KLHL1: variants seen among roughly 807,000 people sequenced by gnomAD.
KLHL1 encodes kelch-like protein 1.
Under a neutral mutation model 77.7 loss-of-function variants are expected in KLHL1, and 47 were observed. That is an observed-to-expected ratio of 0.60 (90% CI 0.48 to 0.77). The LOEUF (loss-of-function observed/expected upper bound fraction) is 0.77, where lower values mean the gene tolerates loss of function less well. Ranked by LOEUF, KLHL1 falls within the 30% of genes least tolerant of loss-of-function variation. The pLI is 0.00. For synonymous variants in KLHL1, 360 were observed against 325.2 expected, an observed-to-expected ratio of 1.11 and a Z score of -1.15; for missense variants, 925 against 910.8, an observed-to-expected ratio of 1.02 and a Z score of -0.20.
chr13:69,963,646 T>A (rs1201881328), intron 2 of KLHL1, among the ~76,000 whole-genome samples: 1 of 152,146 alleles, frequency 6.6e-6, no homozygotes. Context: ...AGAGATCACA[T>A]TAACCAATAA....
chr13:69,751,536 G>A (rs1000260722), intron 7 of KLHL1, among the ~76,000 whole-genome samples: 2 of 152,042 alleles, frequency 1.3e-5, no homozygotes, highest in Non-Finnish European at 2.9e-5. Context: ...CTCGTGTTGT[G>A]ATAAGAAGAA....
chr13:69,795,857 T>C (rs1877080964), intron 7 of KLHL1, among the ~76,000 whole-genome samples: 1 of 152,216 alleles, frequency 6.6e-6, no homozygotes, highest in African/African-American at 2.4e-5. Context: ...AATGTGTTGC[T>C]CTTTCTCTAA....
chr13:69,734,261 C>G (rs1440957091), intron 8 of KLHL1, among the ~76,000 whole-genome samples: 2 of 152,146 alleles, frequency 1.3e-5, no homozygotes, highest in Non-Finnish European at 2.9e-5. Context: ...CTGCTCCCCC[C>G]TGGCCTTCTG....
At chr13:69,896,703 C>G (rs1171027847) in intron 4 of KLHL1, among the ~76,000 whole-genome samples, 1 of 150,156 alleles carries the variant, frequency 6.7e-6, no homozygotes, top group African/African-American at 2.5e-5. Context: ...GAGTCTCACT[C>G]TGTTGCCCAG....
intron 1 of KLHL1, among the ~76,000 whole-genome samples, chr13:70,077,042 AG>A (rs1159601130): frequency 2.3e-4 from 35 of 151,944 alleles, no homozygotes; most frequent in Non-Finnish European, 4.4e-4. Context: ...AAAATGGTAA[AG>A]CCACCTTGGA....
At chr13:69,907,601 G>T (rs1203743353) in intron 4 of KLHL1, among the ~76,000 whole-genome samples, 1 of 151,898 alleles carries the variant, frequency 6.6e-6, no homozygotes, top group Non-Finnish European at 1.5e-5. Context: ...CTGCAATATG[G>T]GTAATACAAA....
At chr13:69,987,074 T>A (rs1884891799) in intron 1 of KLHL1, among the ~76,000 whole-genome samples, 2 of 151,962 alleles carry the variant, frequency 1.3e-5, no homozygotes, top group Admixed American at 6.6e-5. Flanking sequence ...TCATAAAAAA[T>A]TTATTATATA....
At chr13:69,792,595 A>T (rs917484780) in intron 7 of KLHL1, among the ~76,000 whole-genome samples, 30 of 152,250 alleles carry the variant, frequency 2.0e-4, no homozygotes, top group Admixed American at 9.2e-4. Context: ...AACAAAAGGC[A>T]TATATAGTAG....
In KLHL1 at chr13:69,730,267, ATGTGTGTGTG is replaced by A. The variant is rs56271435; in HGVS notation, c.1802+10117_1802+10126del. Among the ~76,000 whole-genome samples, 146 of 143,924 alleles carry A rather than the reference ATGTGTGTGTG, an allele frequency of 1.0e-3. 5 individuals are homozygous for A. The South Asian group carries it at 0.021, about 21-fold the overall frequency. 94.4% of individuals were successfully genotyped at this position (143,924 alleles called of 152,430 possible). Reference sequence around the variant, plus strand: ...GGATAAGTAATGTACTAACACTTTAATGTGTGTGTGTGTGTGTGTGTGTGTGTGTGTTTTC... The same window carrying A: ...GGATAAGTAATGTACTAACACTTTAATGTGTGTGTGTGTGTGTGTGTTTTC... On this transcript the variant is annotated intron_variant, in intron 8 of 10. Transcript: ENST00000377844.
intron 3 of KLHL1, among the ~76,000 whole-genome samples, chr13:69,944,432 T>C (rs533424449): frequency 3.3e-5 from 5 of 152,352 alleles, no homozygotes; most frequent in African/African-American, 1.2e-4. Flanking sequence ...GATTGTGTTA[T>C]GTATTATTTT....
intron 6 of KLHL1, among the ~76,000 whole-genome samples, 172 bp downstream of exon 6, chr13:69,838,804 A>G (rs1879128604): frequency 6.6e-6 from 1 of 151,954 alleles, no homozygotes; most frequent in South Asian, 2.1e-4. Flanking sequence ...AAAGATGAAT[A>G]AGAAGCAGAC....
At chr13:70,039,091 T>C (rs1886310263) in intron 1 of KLHL1, among the ~76,000 whole-genome samples, 1 of 149,472 alleles carries the variant, frequency 6.7e-6, no homozygotes, top group Non-Finnish European at 1.5e-5. Context: ...GGACAGGGTG[T>C]TACTCTATTT....
intron 4 of KLHL1, among the ~76,000 whole-genome samples, chr13:69,937,730 G>A (rs563399662): frequency 6.6e-5 from 10 of 151,990 alleles, no homozygotes; most frequent in East Asian, 3.9e-4. Context: ...AAAAGATTTC[G>A]GAATTATTTG....
intron 6 of KLHL1, among the ~76,000 whole-genome samples, chr13:69,833,714 C>T (rs1426791196): frequency 1.3e-5 from 2 of 150,780 alleles, no homozygotes; most frequent in Non-Finnish European, 2.9e-5. Context: ...AGCCCAAATG[C>T]CCATCAATCA....
intron 1 of KLHL1, among the ~76,000 whole-genome samples, chr13:70,097,261 T>C (rs923681497): frequency 6.6e-6 from 1 of 152,024 alleles, no homozygotes; most frequent in African/African-American, 2.4e-5. Context: ...ATTTGCTATA[T>C]CAAGAATAGA....
At chr13:70,094,368 TGAAAC>T (rs1045511184) in intron 1 of KLHL1, among the ~76,000 whole-genome samples, 1 of 147,558 alleles carries the variant, frequency 6.8e-6, no homozygotes, top group African/African-American at 2.5e-5. Flanking sequence ...AAAATTCACA[TGAAAC>T]AAATACAATG....
intron 5 of KLHL1, among the ~76,000 whole-genome samples, chr13:69,876,755 C>T (rs748032357): frequency 5.3e-5 from 8 of 152,028 alleles, no homozygotes; most frequent in African/African-American, 1.2e-4. Flanking sequence ...TAAAAAATAC[C>T]GGCCTGGAGC....
At chr13:70,068,399 TAC>T (rs2137414557) in intron 1 of KLHL1, among the ~76,000 whole-genome samples, 1 of 152,306 alleles carries the variant, frequency 6.6e-6, no homozygotes, top group East Asian at 1.9e-4. Context: ...AAATTATATT[TAC>T]AGTGACACTG....
At chr13:69,797,009 C>A (rs1877137340) in intron 6 of KLHL1, 47 bp from the exon 7 acceptor site, 2 of 1,473,880 alleles carry the variant, frequency 1.4e-6, no homozygotes, top group Admixed American at 1.7e-5. Context: ...ATAAATTCAA[C>A]AAACAGCCTG....
Sources: gnomAD v4.1 joint callset for allele counts (sites outside exome capture counted in the v4.1 genomes callset) on GRCh38, gnomAD v4.1.1 for gene constraint, MANE v1.5 for transcripts, NCBI Gene and HGNC (gene_info 2026-07-23, HGNC 2026-07-21) for gene names.